Variants in PTPRK observed in about 807,000 individuals in gnomAD.
PTPRK encodes the protein receptor-type tyrosine-protein phosphatase kappa.
In PTPRK, 75 loss-of-function variants were observed where a neutral mutation model predicts 178.0. That is an observed-to-expected ratio of 0.42 (90% CI 0.35 to 0.51). The LOEUF (loss-of-function observed/expected upper bound fraction) is 0.51, where lower values mean the gene tolerates loss of function less well. Ranked by LOEUF, PTPRK falls within the 20% of genes least tolerant of loss-of-function variation. The probability of loss-of-function intolerance (pLI) is 0.02; values close to 1 mark genes in which losing one functional copy is unlikely to be tolerated. For missense variants in PTPRK, 1,441 were observed against 1,797.8 expected (o/e 0.80, Z 3.59); for synonymous variants, 637 against 620.6 (o/e 1.03, Z -0.39).
chr6:128,283,337 A>C (rs1821974769), intron 3 of PTPRK, among the ~76,000 whole-genome samples: 1 of 152,224 alleles, frequency 6.6e-6, no homozygotes, highest in African/African-American at 2.4e-5. Context: ...AAATATATAT[A>C]AACCAAGGAG....
chr6:128,167,781 T>A (rs1466726956), intron 7 of PTPRK, among the ~76,000 whole-genome samples: 3 of 152,166 alleles, frequency 2.0e-5, no homozygotes, highest in Non-Finnish European at 4.4e-5. Context: ...TAGTAACAGT[T>A]CTATCATACA....
chr6:128,422,982 T>G (rs1434779645), intron 1 of PTPRK, among the ~76,000 whole-genome samples: 1 of 152,172 alleles, frequency 6.6e-6, no homozygotes, highest in African/African-American at 2.4e-5. Context: ...GACAAAAATT[T>G]GGGAAGTCCA....
At chr6:128,109,908 T>TG (rs34872644) in intron 7 of PTPRK, among the ~76,000 whole-genome samples, 3,922 of 151,692 alleles carry the variant, frequency 0.026, 76 homozygotes, top group Middle Eastern at 0.092. Flanking sequence ...ACTACTTTTT[T>TG]GGGGGGGGAG....
intron 2 of PTPRK, among the ~76,000 whole-genome samples, chr6:128,348,538 A>G (rs1289473713): frequency 8.7e-4 from 3 of 3,464 alleles, no homozygotes; most frequent in Non-Finnish European, 3.5e-3. Context: ...TATTAAAGCC[A>G]TAAGTTTACA....
chr6:128,388,629 A>C (rs1379750308), intron 2 of PTPRK, among the ~76,000 whole-genome samples: 1 of 152,200 alleles, frequency 6.6e-6, no homozygotes, highest in African/African-American at 2.4e-5. Context: ...TCCTTATCCT[A>C]TATCTCTATA....
chr6:127,973,996 G>A (rs1425961752), intron 27 of PTPRK, among the ~76,000 whole-genome samples, 169 bp from the exon 28 acceptor site: 1 of 152,200 alleles, frequency 6.6e-6, no homozygotes, highest in Non-Finnish European at 1.5e-5. Context: ...AGTGACAACA[G>A]CAGGAAACAT....
At chr6:128,511,303 C>T (rs1857152984) in intron 1 of PTPRK, among the ~76,000 whole-genome samples, 1 of 152,174 alleles carries the variant, frequency 6.6e-6, no homozygotes, top group South Asian at 2.1e-4. Context: ...CCATCATCTC[C>T]CATCTTCTTT....
intron 4 of PTPRK, chr6:128,241,249 A>C (rs1381609129): frequency 1.9e-6 from 1 of 533,370 alleles, no homozygotes; most frequent in Non-Finnish European, 3.8e-6. Flanking sequence ...TAAAATAAGG[A>C]ATTCTTGAGT....
intron 5 of PTPRK, among the ~76,000 whole-genome samples, chr6:128,226,640 G>T (rs1583572959): frequency 6.6e-6 from 1 of 151,726 alleles, no homozygotes. Context: ...CCAAGGGCTT[G>T]CCCTACAGAC....
intron 11 of PTPRK, among the ~76,000 whole-genome samples, chr6:128,076,275 G>C (rs1437229750): frequency 6.6e-6 from 1 of 151,942 alleles, no homozygotes; most frequent in Non-Finnish European, 1.5e-5. Flanking sequence ...TAAGCCTCAC[G>C]ATAAGGCTAC....
chr6:128,393,860 TAAAGA>T (rs1399178192), intron 2 of PTPRK, among the ~76,000 whole-genome samples: 1 of 152,128 alleles, frequency 6.6e-6, no homozygotes, highest in East Asian at 1.9e-4. Flanking sequence ...ATCAGATACA[TAAAGA>T]AAAGTACACA....
intron 2 of PTPRK, among the ~76,000 whole-genome samples, chr6:128,396,843 C>G (rs928388949): frequency 6.6e-6 from 1 of 151,944 alleles, no homozygotes; most frequent in Non-Finnish European, 1.5e-5. Context: ...ACTAAAAATA[C>G]AAAAATTAGC....
chr6:128,421,911 A>T (rs1843528895), intron 1 of PTPRK, among the ~76,000 whole-genome samples: 1 of 152,248 alleles, frequency 6.6e-6, no homozygotes, highest in Admixed American at 6.5e-5. Context: ...TGAACTAACA[A>T]TTCATGATTC....
At chr6:128,340,831 G>A (rs1376260038) in intron 2 of PTPRK, 1 of 451,278 alleles carries the variant, frequency 2.2e-6, no homozygotes, top group East Asian at 6.6e-5. Flanking sequence ...CATCATTTGA[G>A]TTAATGTCAT....
At chr6:128,442,188 G>A (rs1891149) in intron 1 of PTPRK, among the ~76,000 whole-genome samples, 19,333 of 152,160 alleles carry the variant, frequency 0.13, 2,148 homozygotes, top group African/African-American at 0.31. Flanking sequence ...TTCTGGAATG[G>A]AGTAAAGCAG....
At chr6:128,092,653 G>T (rs942839574) in intron 7 of PTPRK, among the ~76,000 whole-genome samples, 12 of 152,144 alleles carry the variant, frequency 7.9e-5, no homozygotes, top group Admixed American at 4.6e-4. Flanking sequence ...GACATGGGCT[G>T]ATAACTATAT....
intron 2 of PTPRK, among the ~76,000 whole-genome samples, chr6:128,365,251 C>T (rs1041521952): frequency 6.6e-6 from 1 of 151,962 alleles, no homozygotes; most frequent in Non-Finnish European, 1.5e-5. Flanking sequence ...GGGGTACTGT[C>T]TGTATATTCA....
At chr6:128,326,949 C>A (rs923602765) in intron 2 of PTPRK, among the ~76,000 whole-genome samples, 2 of 151,802 alleles carry the variant, frequency 1.3e-5, no homozygotes, top group African/African-American at 2.4e-5. Flanking sequence ...AAAATAAATT[C>A]TATTTGTATT....
intron 1 of PTPRK, among the ~76,000 whole-genome samples, chr6:128,499,348 A>G (rs550270713): frequency 2.4e-4 from 37 of 152,362 alleles, no homozygotes; most frequent in Admixed American, 8.5e-4. Flanking sequence ...TTAGTATTTG[A>G]AGGGCCAAAG....
Sources: gnomAD v4.1 joint callset for allele counts (sites outside exome capture counted in the v4.1 genomes callset) on GRCh38, gnomAD v4.1.1 for gene constraint, MANE v1.5 for transcripts, NCBI Gene and HGNC (gene_info 2026-07-23, HGNC 2026-07-21) for gene names.